VPS4A: variants seen among roughly 807,000 people sequenced by gnomAD.
VPS4A encodes vacuolar protein sorting 4 homolog A.
Under a neutral mutation model 52.3 loss-of-function variants are expected in VPS4A, and 20 were observed. That is an observed-to-expected ratio of 0.38 (90% CI 0.27 to 0.56). The LOEUF (loss-of-function observed/expected upper bound fraction) is 0.56. VPS4A is among the 20% of genes least tolerant of loss of function. The probability of loss-of-function intolerance (pLI) is 0.72; values close to 1 mark genes in which losing one functional copy is unlikely to be tolerated. For synonymous variants in VPS4A, 293 were observed against 227.7 expected (o/e 1.29, Z -2.58); for missense variants, 419 against 575.9 (o/e 0.73, Z 2.79).
intron 9 of VPS4A, 67 bp from the exon 10 acceptor site, chr16:69,322,493 G>C (rs949503781): frequency 1.3e-6 from 2 of 1,503,152 alleles, no homozygotes; most frequent in African/African-American, 2.8e-5. Context: ...CTTCCTTAGA[G>C]ACCGGAGGGG....
intron 3 of VPS4A, among the ~76,000 whole-genome samples, chr16:69,317,326 T>C (rs1965449695): frequency 6.6e-6 from 1 of 152,140 alleles, no homozygotes; most frequent in Non-Finnish European, 1.5e-5. Flanking sequence ...AGTGGCTGCT[T>C]TGGAGTCAGG....
At chr16:69,315,546 C>G (rs1484566928) in intron 1 of VPS4A, among the ~76,000 whole-genome samples, 1 of 152,206 alleles carries the variant, frequency 6.6e-6, no homozygotes, top group Non-Finnish European at 1.5e-5. Flanking sequence ...GCAGTCCGGG[C>G]AGGACTTTCC....
chr16:69,311,551 C>A lies in VPS4A; in HGVS notation c.21+19C>A. On this transcript the variant is annotated intron_variant, in intron 1 of 10. Coordinates refer to ENST00000254950, the MANE Select transcript of VPS4A (RefSeq NM_013245.3). ...CCTCCAGGTACTTCGTGCGGCCCGGCCCGACTTCGGAGGCCGAAGGCAGCG... is the reference window on the plus strand; with the variant it reads ...CCTCCAGGTACTTCGTGCGGCCCGGACCGACTTCGGAGGCCGAAGGCAGCG... 7.6e-7 allele frequency: 1 copy of A among 1,311,454 alleles called. No homozygotes were observed. Among genetic ancestry groups the A allele is most frequent in the Non-Finnish European group, 9.8e-7 (1 of 1,016,818 alleles). 81.2% of individuals were successfully genotyped at this position (1,311,454 alleles called of 1,614,324 possible). A position where few individuals can be genotyped will look rare whatever the true frequency, so the allele number is the denominator to read the frequency against.
rs1196453636 is a variant in VPS4A, at chr16:69,325,750, CGA to C, written c.*1445_*1446del. On this transcript the variant is annotated 3_prime_UTR_variant, in exon 11 of 11. Transcript: ENST00000254950. Reference sequence around the variant, plus strand: ...TCTGTCTCAAAAAAAAAAAAAAAGTCGAGAGTTGACATAAAAATTCAGAATTC... The same window carrying C: ...TCTGTCTCAAAAAAAAAAAAAAAGTCGAGTTGACATAAAAATTCAGAATTC... The C allele has an allele frequency of 4.0e-5, 6 of 148,162 alleles. No homozygotes were observed. The highest frequency in any genetic ancestry group is 4.0e-4 in the Admixed American group (6 of 14,922). The allele number at this position is 148,162 out of a possible 1,614,324, so 9.2% of individuals were successfully genotyped here.
intron 9 of VPS4A, chr16:69,322,117 G>A: frequency 1.2e-5 from 2 of 167,044 alleles, no homozygotes; most frequent in South Asian, 1.7e-4. Flanking sequence ...AACAAAAGTG[G>A]AAACCCCTGA....
chr16:69,317,509 A>G (rs972534054), intron 3 of VPS4A, among the ~76,000 whole-genome samples: 1 of 151,852 alleles, frequency 6.6e-6, no homozygotes, highest in African/African-American at 2.4e-5. Context: ...ATACAAAAAA[A>G]TAGGCCGGGC....
Position 69,320,248 on chromosome 16 carries a change from C to T in VPS4A, c.728C>T (p.Ala243Val). Residue 243 changes from alanine (A) to valine (V), a missense_variant, in exon 7 of 11, where the codon GCC (alanine) becomes GTC (valine). Transcript: ENST00000254950. The surrounding 1 kb of genome is among the most constrained non-coding windows in gnomAD (Gnocchi z 4.2). ...TCCCGAAATGAAAATGAGAGTGAGG[C>T]CGCCCGGAGGATCAAAACGGAGTTC... ...CGSRNENESE[A>V]ARRIKTEFLV... 1 of 1,614,012 alleles carries T rather than the reference C, an allele frequency of 6.2e-7. No individual in the cohort carries two copies.
chr16:69,318,535 C>A, intron 3 of VPS4A, 115 bp from the exon 4 acceptor site: 1 of 1,168,232 alleles, frequency 8.6e-7, no homozygotes, highest in South Asian at 1.4e-5. Flanking sequence ...CACTGTTAAG[C>A]CAGGAAGGCT....
Position 69,320,782 on chromosome 16 carries a change from C to CT in VPS4A, c.851+13_851+14insT, listed in dbSNP as rs773182044. 6.3e-7 allele frequency: 1 copy of CT among 1,592,902 alleles called. No individual in the cohort carries two copies. On this transcript the variant is annotated intron_variant, in intron 8 of 10. Coordinates refer to ENST00000254950, the MANE Select transcript of VPS4A (RefSeq NM_013245.3). The surrounding 1 kb of genome is among the most constrained non-coding windows in gnomAD (Gnocchi z 4.2). ...CCATCAGGAGGAGGTGAGTCTTCCC[C>CT]AGGAGAAGCCAGGGCTGGAGGCTTC...
rs1292100075 is a variant in VPS4A at position 69,320,089 on chromosome 16, G to C, written c.621-52G>C. ...AGAAGAGGGAAGTGCCGGGAGCCCA[G>C]GCGGGCACGGACGTGAACGTCTTGT... On this transcript the variant is annotated intron_variant, in intron 6 of 10. Transcript: ENST00000254950. The surrounding 1 kb of genome is among the most constrained non-coding windows in gnomAD (Gnocchi z 4.2). The C allele has an allele frequency of 1.7e-5, 26 of 1,570,142 alleles. No individual in the cohort carries two copies. The highest frequency in any genetic ancestry group is 2.2e-5 in the Non-Finnish European group (25 of 1,151,492).
At chr16:69,324,161 G>A (rs1397678324) in intron 10 of VPS4A, 47 bp from the exon 11 acceptor site, 2 of 1,586,542 alleles carry the variant, frequency 1.3e-6, no homozygotes, top group South Asian at 1.1e-5. Context: ...GGAGGTTGGG[G>A]ACCTGGAGCC....
chr16:69,311,657 G>T, intron 1 of VPS4A, 125 bp downstream of exon 1: 1 of 1,007,864 alleles, frequency 9.9e-7, no homozygotes, highest in South Asian at 5.0e-5. Context: ...ACCCCGCTCC[G>T]GCCGCCCCCT....
At chr16:69,319,050 A>G (rs1385925581) in intron 5 of VPS4A, 108 bp downstream of exon 5, 2 of 1,491,478 alleles carry the variant, frequency 1.3e-6, no homozygotes, top group African/African-American at 1.4e-5. Flanking sequence ...CGGGGCCTGC[A>G]GAGGGCCAGG....
chr16:69,320,089 G>A lies in VPS4A; in HGVS notation c.621-52G>A. 6.4e-7 allele frequency: 1 copy of A among 1,570,260 alleles called. No individual in the cohort carries two copies. Among genetic ancestry groups the A allele is most frequent in the Non-Finnish European group, 8.7e-7 (1 of 1,151,484 alleles). On this transcript the variant is annotated intron_variant, in intron 6 of 10. Coordinates refer to ENST00000254950, the MANE Select transcript of VPS4A (RefSeq NM_013245.3). The surrounding 1 kb of genome is among the most constrained non-coding windows in gnomAD (Gnocchi z 4.2). ...AGAAGAGGGAAGTGCCGGGAGCCCA[G>A]GCGGGCACGGACGTGAACGTCTTGT...
At chr16:69,323,736 G>A (rs928387344) in intron 10 of VPS4A, 2 of 447,026 alleles carry the variant, frequency 4.5e-6, no homozygotes, top group African/African-American at 4.0e-5. Context: ...GATCGCCTGA[G>A]GTCAGGAGTT....
intron 1 of VPS4A, among the ~76,000 whole-genome samples, chr16:69,313,865 G>A (rs892853320): frequency 4.6e-5 from 7 of 152,048 alleles, no homozygotes; most frequent in African/African-American, 9.7e-5. Context: ...CTAGAGATGC[G>A]GCGGGGCTGG....
In VPS4A at chr16:69,322,439, G is replaced by A. The variant is rs8062192; in HGVS notation, c.1072-121G>A. ...CCCAGCCCGAGTTCTGAAGGAGCCC[G>A]TCCTCCTCAGATGCTAGGGACCCAC... On this transcript the variant is annotated intron_variant, in intron 9 of 10. Coordinates refer to ENST00000254950, the MANE Select transcript of VPS4A (RefSeq NM_013245.3). 3.8e-3 allele frequency: 4,384 copies of A among 1,141,332 alleles called. 108 individuals carry two copies. The African/African-American group carries it at 0.059, about 15-fold the overall frequency. The allele number at this position is 1,141,332 out of a possible 1,614,324, so 70.7% of individuals were successfully genotyped here. A position where few individuals can be genotyped will look rare whatever the true frequency, so the allele number is the denominator to read the frequency against.
Position 69,311,403 on chromosome 16 carries a change from C to T in VPS4A, c.-109C>T. ...GGCCGCCCTGCCCGCGCACCGCGCT[C>T]AGCGCCCACCGCCGGGCTTCCCGCG... is the stretch of plus-strand genomic sequence containing the variant. On this transcript the variant is annotated 5_prime_UTR_variant, in exon 1 of 11. Coordinates refer to ENST00000254950, the MANE Select transcript of VPS4A (RefSeq NM_013245.3). 2.6e-6 allele frequency: 3 copies of T among 1,176,220 alleles called. No homozygotes were observed. The highest frequency in any genetic ancestry group is 4.4e-5 in the Admixed American group (1 of 22,558). 72.9% of individuals were successfully genotyped at this position (1,176,220 alleles called of 1,614,324 possible). A position where few individuals can be genotyped will look rare whatever the true frequency, so the allele number is the denominator to read the frequency against.
At chr16:69,319,055 G>A in intron 5 of VPS4A, 113 bp downstream of exon 5, 2 of 1,450,150 alleles carry the variant, frequency 1.4e-6, no homozygotes, top group Admixed American at 2.1e-5. Flanking sequence ...CCTGCAGAGG[G>A]CCAGGCCTGG....
Sources: allele counts gnomAD v4.1 joint callset (sites outside exome capture counted in the v4.1 genomes callset), GRCh38; gene constraint gnomAD v4.1.1; non-coding constraint Gnocchi (gnomAD v3.1); transcripts MANE v1.5; gene names NCBI Gene and HGNC (gene_info 2026-07-23, HGNC 2026-07-21).